Variants in PPP2R2C observed in about 807,000 individuals in gnomAD.
The protein encoded by PPP2R2C is protein phosphatase 2, regulatory subunit B, gamma.
Under a neutral mutation model 45.3 loss-of-function variants are expected in PPP2R2C, and 10 were observed. The ratio of observed to expected loss-of-function variants is 0.22; its 90% CI spans 0.14 to 0.37. The LOEUF is 0.37. Ranked by LOEUF, PPP2R2C falls within the 10% of genes least tolerant of loss-of-function variation. The probability of loss-of-function intolerance (pLI) is 1.00; values close to 1 mark genes in which losing one functional copy is unlikely to be tolerated. For missense variants in PPP2R2C, 308 were observed against 619.7 expected (o/e 0.50, Z 5.34); for synonymous variants, 257 against 245.4 (o/e 1.05, Z -0.44).
At chr4:6,520,251 G>A (rs901978189) in intron 2 of PPP2R2C, among the ~76,000 whole-genome samples, 2 of 152,148 alleles carry the variant, frequency 1.3e-5, no homozygotes, top group Non-Finnish European at 2.9e-5. Flanking sequence ...GAGGCACGGA[G>A]TGGACACTCA....
In PPP2R2C at chr4:6,511,804, GTGTTGGTGGTGGTGA is replaced by G. The variant is rs1560594402; in HGVS notation, c.49+23452_49+23466del. Among the ~76,000 whole-genome samples the G allele has an allele frequency of 1.4e-3, 22 of 15,224 alleles. 1 individual carries two copies. Among genetic ancestry groups the G allele is most frequent in the African/African-American group, 3.2e-3 (14 of 4,382 alleles). 10.0% of individuals were successfully genotyped at this position (15,224 alleles called of 152,430 possible). ...AATGGTGGTGGTGATGGTGATGGTG[GTGTTGGTGGTGGTGA>G]TGGTGGTGGTGGTGGTGATGGTGGT... On this transcript the variant is annotated intron_variant, in intron 2 of 9. Coordinates refer to the PPP2R2C transcript ENST00000506140.
At chr4:6,401,176 C>T (rs1172399820) in intron 1 of PPP2R2C, among the ~76,000 whole-genome samples, 1 of 152,132 alleles carries the variant, frequency 6.6e-6, no homozygotes, top group Non-Finnish European at 1.5e-5. Flanking sequence ...AATGTTAGTA[C>T]TCCCGTTATT....
intron 1 of PPP2R2C, among the ~76,000 whole-genome samples, chr4:6,426,236 T>A (rs573005152): frequency 6.6e-6 from 1 of 152,258 alleles, no homozygotes; most frequent in East Asian, 1.9e-4. Context: ...TCCATACTCA[T>A]CACCCTAGCC....
intron 5 of PPP2R2C, among the ~76,000 whole-genome samples, chr4:6,354,901 G>A (rs779912741): frequency 2.0e-5 from 3 of 152,102 alleles, no homozygotes; most frequent in Non-Finnish European, 4.4e-5. Context: ...ATCAACCCAG[G>A]TCGTGTTGGG....
rs1179224104 is a variant in PPP2R2C at position 6,328,646 on chromosome 4, G to T, written c.1052+616C>A. 6.6e-6 allele frequency among the ~76,000 whole-genome samples: 1 copy of T among 152,208 alleles called. No individual in the cohort carries two copies. The highest frequency in any genetic ancestry group is 1.5e-5 in the Non-Finnish European group (1 of 68,028). Reference sequence around the variant, plus strand: ...CATGCCCGCCCTGGGCTGAGCCCAGGCTAGGGAGACACAGGAACTCACTTC... The same window carrying T: ...CATGCCCGCCCTGGGCTGAGCCCAGTCTAGGGAGACACAGGAACTCACTTC... On this transcript the variant is annotated intron_variant, in intron 8 of 8. Coordinates refer to ENST00000382599, the MANE Select transcript of PPP2R2C (RefSeq NM_020416.4). This position sits in a 1 kb window ranked among gnomAD's most constrained non-coding sequence, Gnocchi z 4.4.
At position 6,394,815 on chromosome 4, in the gene PPP2R2C, G is replaced by A. The variant is rs144024061; in HGVS notation, c.71-13721C>T. On this transcript the variant is annotated intron_variant, in intron 1 of 8. Transcript: ENST00000382599. ...CCCAGCCGGCAGGCGGGCGATGGGGGCCAAACTGGCCTGGTGACAAGAACA... is the reference window on the plus strand; with the variant it reads ...CCCAGCCGGCAGGCGGGCGATGGGGACCAAACTGGCCTGGTGACAAGAACA... Among the ~76,000 whole-genome samples the A allele has an allele frequency of 1.5e-3, 235 of 152,356 alleles. 4 individuals carry two copies. The highest frequency in any genetic ancestry group is 0.013 in the East Asian group (68 of 5,180).
intron 5 of PPP2R2C, among the ~76,000 whole-genome samples, chr4:6,357,636 T>G (rs1288867937): frequency 6.6e-6 from 1 of 152,018 alleles, no homozygotes; most frequent in African/African-American, 2.4e-5. Context: ...AGGCCCAGGT[T>G]CAATGTCAGA....
At chr4:6,491,417 G>A (rs1004250184) in intron 2 of PPP2R2C, among the ~76,000 whole-genome samples, 6 of 152,178 alleles carry the variant, frequency 3.9e-5, no homozygotes, top group Non-Finnish European at 8.8e-5. Context: ...ACCAGTCCAG[G>A]TATTCCCTTG....
chr4:6,373,319 C>T (rs557816780), intron 4 of PPP2R2C, among the ~76,000 whole-genome samples: 16 of 152,310 alleles, frequency 1.1e-4, no homozygotes, highest in Non-Finnish European at 2.1e-4. Flanking sequence ...AATGCATTTC[C>T]GTGCTCGGCC....
chr4:6,419,208 G>A (rs977712776), intron 1 of PPP2R2C, among the ~76,000 whole-genome samples: 1 of 152,120 alleles, frequency 6.6e-6, no homozygotes, highest in African/African-American at 2.4e-5. Flanking sequence ...ACCTGAGGTA[G>A]GGAGTTCGAG....
At chr4:6,440,452 G>A (rs924837842) in intron 1 of PPP2R2C, among the ~76,000 whole-genome samples, 3 of 152,114 alleles carry the variant, frequency 2.0e-5, no homozygotes, top group Non-Finnish European at 2.9e-5. Context: ...CAGGTGTTGG[G>A]GGCTCTTAGC....
rs1717781315 is a variant in PPP2R2C, at chr4:6,406,160, G to A, written c.71-25066C>T. Among the ~76,000 whole-genome samples the A allele has an allele frequency of 2.6e-5, 4 of 152,194 alleles. No individual in the cohort carries two copies. The South Asian group carries it at 8.3e-4, about 32-fold the overall frequency. On this transcript the variant is annotated intron_variant, in intron 1 of 8. Transcript: ENST00000382599. ...CAATTTGAGACATTCTTGCCTTTCT[G>A]CTGTCTTTGGGTTTGCCTTCCTGAA... is the stretch of plus-strand genomic sequence containing the variant.
intron 6 of PPP2R2C, among the ~76,000 whole-genome samples, chr4:6,338,677 C>T (rs1733189474): frequency 1.3e-5 from 2 of 152,174 alleles, no homozygotes; most frequent in African/African-American, 2.4e-5. Flanking sequence ...TGCTGCCTCA[C>T]ACACGCAAGT....
chr4:6,414,088 GT>G, intron 1 of PPP2R2C: 13 of 1,136,518 alleles, frequency 1.1e-5, no homozygotes, highest in Non-Finnish European at 1.4e-5. Context: ...GTGTGTGTGT[GT>G]GTGTGTGTGT....
intron 5 of PPP2R2C, chr4:6,351,396 C>T: frequency 8.1e-6 from 8 of 983,544 alleles, no homozygotes; most frequent in South Asian, 4.7e-5. Flanking sequence ...CAAACACACC[C>T]GAGCCACGGC....
chr4:6,353,476 GC>G (rs1397091681), intron 5 of PPP2R2C, among the ~76,000 whole-genome samples: 11 of 25,130 alleles, frequency 4.4e-4, no homozygotes, highest in African/African-American at 2.1e-3. Context: ...ACACCCAACA[GC>G]CCCCCCACAC....
chr4:6,387,807 G>GAAA (rs10623195), intron 1 of PPP2R2C, among the ~76,000 whole-genome samples: 11,569 of 143,384 alleles, frequency 0.081, 545 homozygotes, highest in Middle Eastern at 0.11. Context: ...CAACAGTGAA[G>GAAA]AAAAAAAAAA....
chr4:6,433,604 T>C (rs1389334831), intron 1 of PPP2R2C, among the ~76,000 whole-genome samples: 1 of 152,114 alleles, frequency 6.6e-6, no homozygotes, highest in Non-Finnish European at 1.5e-5. Flanking sequence ...TCCCCCCCAT[T>C]GGGCCAATAG....
chr4:6,370,777 A>G (rs755765657), intron 5 of PPP2R2C, among the ~76,000 whole-genome samples: 1 of 152,210 alleles, frequency 6.6e-6, no homozygotes, highest in Non-Finnish European at 1.5e-5. Context: ...CGTGCAGCAG[A>G]AAGAGTCTAA....
Sources: gnomAD v4.1 joint callset for allele counts (sites outside exome capture counted in the v4.1 genomes callset) on GRCh38, gnomAD v4.1.1 for gene constraint, Gnocchi (gnomAD v3.1) non-coding constraint, MANE v1.5 for transcripts, NCBI Gene and HGNC (gene_info 2026-07-23, HGNC 2026-07-21) for gene names.